GFI1B: variants seen among roughly 807,000 people sequenced by gnomAD.
The protein encoded by GFI1B is growth factor independent 1B transcriptional repressor.
In GFI1B, 20 loss-of-function variants were observed where a neutral mutation model predicts 35.3. That is an observed-to-expected ratio of 0.57 (90% CI 0.40 to 0.82). The LOEUF is 0.82. Ranked by LOEUF, GFI1B falls within the 40% of genes least tolerant of loss-of-function variation. GFI1B has a pLI of 0.00. For synonymous variants in GFI1B, 178 were observed against 177.6 expected (o/e 1.00, Z -0.02); for missense variants, 430 against 446.3 (o/e 0.96, Z 0.33).
chr9:132,947,991 A>G (rs1027756801), intron 1 of GFI1B, among the ~76,000 whole-genome samples: 2 of 152,180 alleles, frequency 1.3e-5, no homozygotes, highest in Admixed American at 1.3e-4. Flanking sequence ...TATTGTTACA[A>G]GTGCATACTA....
At chr9:132,992,267 C>T (rs1039334936), downstream of GFI1B, among the ~76,000 whole-genome samples, 5 of 152,172 alleles carry the variant, frequency 3.3e-5, no homozygotes, top group African/African-American at 1.2e-4. Flanking sequence ...ACACTGAGCT[C>T]AGGTATAAAT....
intron 1 of GFI1B, chr9:132,952,200 A>G (rs1391030742): frequency 1.3e-5 from 2 of 152,102 alleles, no homozygotes; most frequent in Non-Finnish European, 2.9e-5. Context: ...TTGATCTTAT[A>G]TCTTGCACCT....
Position 132,989,922 on chromosome 9 carries a change from C to T in GFI1B, c.814+15C>T. The T allele has an allele frequency of 5.0e-6, 8 of 1,612,094 alleles. No individual in the cohort carries two copies. Among genetic ancestry groups the T allele is most frequent in the Non-Finnish European group, 6.8e-6 (8 of 1,178,140 alleles). ...CATCCACACAGGTGAGTGAGTCTCACCTGCCTGTGCCCCCTGGGCAGAGCA... is the reference window on the plus strand; with the variant it reads ...CATCCACACAGGTGAGTGAGTCTCATCTGCCTGTGCCCCCTGGGCAGAGCA... On this transcript the variant is annotated intron_variant, in intron 6 of 6. Coordinates refer to ENST00000372122, the MANE Select transcript of GFI1B (RefSeq NM_001377304.1). The surrounding 1 kb of genome is among the most constrained non-coding windows in gnomAD (Gnocchi z 6.2).
intron 4 of GFI1B, among the ~76,000 whole-genome samples, 156 bp from the exon 5 acceptor site, chr9:132,988,905 A>G (rs1396936151): frequency 6.6e-6 from 1 of 151,816 alleles, no homozygotes; most frequent in Non-Finnish European, 1.5e-5. Context: ...CCTCCCTGGG[A>G]CACACAGCAA....
intron 1 of GFI1B, among the ~76,000 whole-genome samples, chr9:132,969,622 C>T (rs1848503220): frequency 6.6e-6 from 1 of 152,224 alleles, no homozygotes. Flanking sequence ...TTCCGCGTGC[C>T]TTTCAGTGCG....
At chr9:132,988,968 G>T in intron 4 of GFI1B, 93 bp from the exon 5 acceptor site, 2 of 1,247,534 alleles carry the variant, frequency 1.6e-6, no homozygotes, top group Non-Finnish European at 2.4e-6. Context: ...ACCCAGCCTT[G>T]GCCAGAGCTG....
chr9:132,972,180 T>C (rs1401557245), intron 1 of GFI1B, among the ~76,000 whole-genome samples: 3 of 151,864 alleles, frequency 2.0e-5, no homozygotes, highest in Non-Finnish European at 4.4e-5. Context: ...CCAGCACTTT[T>C]GGAAGCCAAG....
rs575224303 is a variant in GFI1B, at chr9:132,981,914, A to G, written c.-21+3073A>G. Among the ~76,000 whole-genome samples the G allele has an allele frequency of 5.3e-5, 8 of 152,170 alleles. No individual in the cohort carries two copies. The East Asian group carries it at 1.6e-3, about 30-fold the overall frequency. ...ATTACAGGTGCCTGCCACCACACCC[A>G]GCTAAGTTTTGTATTTTTAGTAGAG... is the stretch of plus-strand genomic sequence containing the variant. On this transcript the variant is annotated intron_variant, in intron 1 of 6. Transcript: ENST00000372122.
At chr9:132,951,858 C>T (rs191492651) in intron 1 of GFI1B, 1 of 152,342 alleles carries the variant, frequency 6.6e-6, no homozygotes, top group Non-Finnish European at 1.5e-5. Context: ...ACCTGGAACA[C>T]CTAGGTTCAA....
At chr9:132,955,872 C>T (rs1380148857) in intron 1 of GFI1B, among the ~76,000 whole-genome samples, 4 of 150,562 alleles carry the variant, frequency 2.7e-5, no homozygotes, top group African/African-American at 9.7e-5. Context: ...ATTTTTGAGT[C>T]TGGCATGTCC....
At chr9:132,959,794 G>T (rs556267661) in intron 1 of GFI1B, among the ~76,000 whole-genome samples, 1 of 152,142 alleles carries the variant, frequency 6.6e-6, no homozygotes, top group Non-Finnish European at 1.5e-5. Context: ...CTGTGGCTGC[G>T]TCAGCCCAGT....
At position 132,988,325 on chromosome 9, in the gene GFI1B, C is replaced by T. The variant is rs1317829813; in HGVS notation, c.367C>T (p.Pro123Ser). 6.2e-7 allele frequency: 1 copy of T among 1,614,236 alleles called. No individual in the cohort carries two copies. The highest frequency in any genetic ancestry group is 8.5e-7 in the Non-Finnish European group (1 of 1,180,032). ...TTYGHSYRQA[P>S]STMQSAFLEH... ...CTATGGCCACAGCTACCGGCAGGCC[C>T]CCTCCACCATGCAGTCAGCCTTCCT... The change falls in exon 4 of 7, where the codon CCC becomes TCC. Residue 123 changes from proline to serine, a missense_variant. Physicochemically the swap from Pro to Ser is moderately conservative, Grantham distance 74. Coordinates refer to ENST00000372122, the MANE Select transcript of GFI1B (RefSeq NM_001377304.1).
chr9:132,985,063 C>G lies in GFI1B; in HGVS notation c.-20-1596C>G, dbSNP rs900501742. On this transcript the variant is annotated intron_variant, in intron 1 of 6. Transcript: ENST00000372122. ...CCTGCAGCCTTGCATGGCGGCTGGC[C>G]CAAGGGGTGGGGGGGTGGGACTCCT... Among the ~76,000 whole-genome samples the G allele has an allele frequency of 2.7e-5, 4 of 149,530 alleles. No homozygotes were observed. The East Asian group carries it at 8.2e-4, about 31-fold the overall frequency.
At chr9:132,984,097 T>C (rs552209757) in intron 1 of GFI1B, among the ~76,000 whole-genome samples, 11 of 152,256 alleles carry the variant, frequency 7.2e-5, no homozygotes, top group Admixed American at 3.3e-4. Context: ...TGGTTCTAGT[T>C]GATTTCCTCA....
intron 1 of GFI1B, among the ~76,000 whole-genome samples, chr9:132,954,273 T>G (rs1848247617): frequency 6.6e-6 from 1 of 152,030 alleles, no homozygotes; most frequent in Non-Finnish European, 1.5e-5. Flanking sequence ...TTGCATTTTT[T>G]GTAGAAACAA....
intron 2 of GFI1B, 98 bp downstream of exon 2, chr9:132,986,876 C>G: frequency 1.3e-6 from 1 of 753,974 alleles, no homozygotes; most frequent in South Asian, 1.5e-5. Flanking sequence ...GCAGCCTCTT[C>G]TTCCAAGTCT....
At chr9:132,964,153 T>G (rs2132600227) in intron 1 of GFI1B, among the ~76,000 whole-genome samples, 1 of 152,186 alleles carries the variant, frequency 6.6e-6, no homozygotes. Flanking sequence ...GGCAGGAAAA[T>G]CGCTTGAACC....
intron 1 of GFI1B, among the ~76,000 whole-genome samples, chr9:132,948,050 C>A (rs976360818): frequency 6.6e-6 from 1 of 152,088 alleles, no homozygotes. Context: ...GGTTACGGTT[C>A]GTCCACAAGG....
intron 1 of GFI1B, among the ~76,000 whole-genome samples, chr9:132,948,047 GT>G (rs1237037713): frequency 6.6e-6 from 1 of 152,130 alleles, no homozygotes; most frequent in African/African-American, 2.4e-5. Flanking sequence ...CTAGGTTACG[GT>G]TCGTCCACAA....
Sources: allele counts gnomAD v4.1 joint callset (sites outside exome capture counted in the v4.1 genomes callset), GRCh38; gene constraint gnomAD v4.1.1; non-coding constraint Gnocchi (gnomAD v3.1); transcripts MANE v1.5; gene names NCBI Gene and HGNC (gene_info 2026-07-23, HGNC 2026-07-21).